MGAT4C: variants seen among roughly 807,000 people sequenced by gnomAD.
MGAT4C encodes the protein MGAT4 family member C.
In MGAT4C, 19 loss-of-function variants were observed where a neutral mutation model predicts 40.1. That is an observed-to-expected ratio of 0.47 (90% CI 0.33 to 0.70). The LOEUF is 0.70. MGAT4C is among the 30% of genes least tolerant of loss of function. The pLI is 0.02. For missense variants in MGAT4C, 491 were observed against 563.2 expected, an observed-to-expected ratio of 0.87 and a Z score of 1.30; for synonymous variants, 181 against 187.1, an observed-to-expected ratio of 0.97 and a Z score of 0.27.
intron 1 of MGAT4C, among the ~76,000 whole-genome samples, chr12:86,084,470 A>C (rs1871375608): frequency 6.6e-6 from 1 of 152,034 alleles, no homozygotes; most frequent in Admixed American, 6.6e-5. Flanking sequence ...TTACACATTT[A>C]GTGTTTCAAG....
chr12:86,154,298 G>A lies in MGAT4C; in HGVS notation c.-57+101941C>T, dbSNP rs141742217. The stretch of plus-strand genomic sequence containing the variant: ...AAGGGGGAATTGGCCAGAACAGCCC[G>A]GGCTTTGTTTCAGTCTACCCTGGAA... On this transcript the variant is annotated intron_variant, in intron 1 of 4. Coordinates refer to ENST00000611864, the MANE Select transcript of MGAT4C (RefSeq NM_001351288.2). 3.7e-4 allele frequency among the ~76,000 whole-genome samples: 56 copies of A among 152,206 alleles called. No homozygotes were observed. The South Asian group carries it at 3.9e-3, about 11-fold the overall frequency.
chr12:86,542,930 T>C (rs1484607810), intron 2 of MGAT4C, among the ~76,000 whole-genome samples: 1 of 152,204 alleles, frequency 6.6e-6, no homozygotes, highest in Non-Finnish European at 1.5e-5. Flanking sequence ...TGATTTTATA[T>C]ATTCAAATAT....
chr12:86,523,809 T>C (rs567761914), intron 2 of MGAT4C, among the ~76,000 whole-genome samples: 4 of 152,326 alleles, frequency 2.6e-5, no homozygotes, highest in South Asian at 2.1e-4. Context: ...TTAGGTGTTC[T>C]TGTAGAATTT....
chr12:86,796,212 G>A (rs10858485), intron 1 of MGAT4C, among the ~76,000 whole-genome samples: 50,650 of 150,686 alleles, frequency 0.34, 10,300 homozygotes, highest in East Asian at 0.67. Flanking sequence ...ACTTCTGCAC[G>A]TGCCAGGTTG....
chr12:86,128,835 T>G (rs1284044491), intron 1 of MGAT4C, among the ~76,000 whole-genome samples: 4 of 152,214 alleles, frequency 2.6e-5, no homozygotes, highest in Admixed American at 6.5e-5. Flanking sequence ...TAATCCATCT[T>G]GAGTTGATTT....
chr12:86,171,340 G>C (rs1219962819), intron 1 of MGAT4C, among the ~76,000 whole-genome samples: 3 of 152,138 alleles, frequency 2.0e-5, no homozygotes. Flanking sequence ...TTGCACTCCA[G>C]CCTGGGCAAC....
rs182640167 is a variant in MGAT4C, at chr12:86,489,794, G to A, written c.-228-54529C>T. On this transcript the variant is annotated intron_variant, in intron 2 of 7. Coordinates refer to the MGAT4C transcript ENST00000548651. ...ATCCTGCATCAAAGCCTCAGGAGCC[G>A]ATGCGATCAACTGGAAGAAAGGGTA... Among the ~76,000 whole-genome samples, 54 of 152,238 alleles carry A rather than the reference G, an allele frequency of 3.5e-4. 1 individual carries two copies. Among genetic ancestry groups the A allele is most frequent in the Admixed American group, 1.4e-3 (22 of 15,282 alleles).
intron 2 of MGAT4C, among the ~76,000 whole-genome samples, chr12:86,641,701 A>G (rs1050403674): frequency 6.6e-6 from 1 of 151,740 alleles, no homozygotes; most frequent in Non-Finnish European, 1.5e-5. Flanking sequence ...GTTTAGCTGA[A>G]ATAGGATTGT....
At chr12:86,256,844 T>C (rs550889420), upstream of MGAT4C, among the ~76,000 whole-genome samples, 1 of 152,206 alleles carries the variant, frequency 6.6e-6, no homozygotes, top group African/African-American at 2.4e-5. Flanking sequence ...TTGAGAAAAA[T>C]TATAATGTAG....
chr12:86,620,367 T>G (rs1030114933), intron 2 of MGAT4C, among the ~76,000 whole-genome samples: 7 of 151,598 alleles, frequency 4.6e-5, no homozygotes, highest in African/African-American at 1.7e-4. Context: ...ACACATATCC[T>G]GGAATACTAT....
chr12:86,103,693 A>T (rs2135605572), intron 1 of MGAT4C, among the ~76,000 whole-genome samples: 1 of 152,210 alleles, frequency 6.6e-6, no homozygotes, highest in East Asian at 1.9e-4. Context: ...TTTGAACTCA[A>T]GCTGCCATCA....
chr12:86,739,047 A>C (rs1675995174), intron 1 of MGAT4C, among the ~76,000 whole-genome samples: 1 of 128,414 alleles, frequency 7.8e-6, no homozygotes, highest in Admixed American at 9.9e-5. Context: ...ATCCACTTTT[A>C]TTTATTATTG....
intron 2 of MGAT4C, among the ~76,000 whole-genome samples, chr12:86,573,055 C>T (rs1047623658): frequency 2.6e-5 from 4 of 151,618 alleles, no homozygotes; most frequent in Non-Finnish European, 2.9e-5. Context: ...TTTCCTCCAG[C>T]GTACTTTCAA....
chr12:86,740,942 G>A (rs148987841), intron 1 of MGAT4C, among the ~76,000 whole-genome samples: 72 of 150,916 alleles, frequency 4.8e-4, no homozygotes, highest in African/African-American at 1.5e-3. Context: ...TACAAATTCC[G>A]TCACCCAGGT....
chr12:86,664,637 G>A (rs531747092), intron 2 of MGAT4C, among the ~76,000 whole-genome samples: 1 of 151,642 alleles, frequency 6.6e-6, no homozygotes, highest in African/African-American at 2.4e-5. Context: ...GTTGATTACT[G>A]CCTGAAAGAA....
chr12:86,804,159 C>T (rs1952294221), intron 1 of MGAT4C, among the ~76,000 whole-genome samples: 1 of 150,984 alleles, frequency 6.6e-6, no homozygotes, highest in African/African-American at 2.4e-5. Context: ...AGTAAACTAT[C>T]ACAAGAACAA....
At chr12:86,042,070 T>C (rs1454253823) in intron 2 of MGAT4C, among the ~76,000 whole-genome samples, 1 of 152,244 alleles carries the variant, frequency 6.6e-6, no homozygotes, top group Non-Finnish European at 1.5e-5. Flanking sequence ...TGTAATACGC[T>C]TCTTTGTCTT....
intron 3 of MGAT4C, among the ~76,000 whole-genome samples, chr12:86,388,763 C>A (rs1956111494): frequency 6.8e-6 from 1 of 148,082 alleles, no homozygotes; most frequent in Non-Finnish European, 1.5e-5. Context: ...CTCACTGCAA[C>A]CTCTGACTCC....
chr12:86,635,093 T>G (rs1005040578), intron 2 of MGAT4C, among the ~76,000 whole-genome samples: 7 of 152,154 alleles, frequency 4.6e-5, no homozygotes, highest in Non-Finnish European at 8.8e-5. Context: ...TGAATTCAGT[T>G]GCTTCCACTG....
Sources: gnomAD v4.1 joint callset for allele counts (sites outside exome capture counted in the v4.1 genomes callset) on GRCh38, gnomAD v4.1.1 for gene constraint, MANE v1.5 for transcripts, NCBI Gene and HGNC (gene_info 2026-07-23, HGNC 2026-07-21) for gene names.